Variants in CYP39A1 observed in about 807,000 individuals in gnomAD.
CYP39A1 encodes cytochrome P450 family 39 subfamily A member 1.
CYP39A1 carries 49 observed loss-of-function variants against 58.1 expected under a neutral mutation model. The ratio of observed to expected loss-of-function variants is 0.84; its 90% confidence interval spans 0.67 to 1.07. The LOEUF (loss-of-function observed/expected upper bound fraction) is 1.07. CYP39A1 is among the 50% of genes least tolerant of loss of function. The pLI, the probability that CYP39A1 is intolerant of heterozygous loss-of-function variation, is 0.00. For missense variants in CYP39A1, 531 were observed against 539.4 expected (o/e 0.98, Z 0.16); for synonymous variants, 209 against 187.6 (o/e 1.11, Z -0.93).
At chr6:46,613,029 A>G (rs1342862238) in intron 7 of CYP39A1, among the ~76,000 whole-genome samples, 6 of 152,264 alleles carry the variant, frequency 3.9e-5, no homozygotes, top group Admixed American at 3.9e-4. Context: ...AACAATGACA[A>G]TATATAAGAT....
In CYP39A1 at chr6:46,587,077, C is replaced by T. The variant is rs1325190868; in HGVS notation, c.1250G>A (p.Arg417Lys). The T allele has an allele frequency of 6.2e-7, 1 of 1,609,178 alleles. No homozygotes were observed. The highest frequency in any genetic ancestry group is 1.3e-5 in the African/African-American group (1 of 74,934). ...FGSGKFQCPA[R>K]WFALLEVQMC... ...AATGTGGCCCAGCTGTCTCACTGACCTTGCAGGACACTGGAACTTCCCGCT... is the reference window on the plus strand; with the variant it reads ...AATGTGGCCCAGCTGTCTCACTGACTTTGCAGGACACTGGAACTTCCCGCT... Residue 417 changes from arginine (R) to lysine (K), a missense_variant and splice_region_variant, in exon 10 of 12, where the codon AGG becomes AAG. Coordinates refer to ENST00000275016, the MANE Select transcript of CYP39A1 (RefSeq NM_016593.5).
intron 8 of CYP39A1, among the ~76,000 whole-genome samples, chr6:46,591,320 T>C (rs911997689): frequency 6.6e-6 from 1 of 152,094 alleles, no homozygotes; most frequent in Non-Finnish European, 1.5e-5. Context: ...TCTTTAAATA[T>C]TAAAATTATT....
intron 1 of CYP39A1, among the ~76,000 whole-genome samples, chr6:46,646,743 T>C (rs528659712): frequency 1.1e-3 from 160 of 152,258 alleles, no homozygotes; most frequent in Non-Finnish European, 1.7e-3. Flanking sequence ...CTTAATAGTG[T>C]AGGGCTATTA....
intron 10 of CYP39A1, among the ~76,000 whole-genome samples, chr6:46,575,559 C>T (rs1771804663): frequency 6.6e-6 from 1 of 152,200 alleles, no homozygotes; most frequent in Non-Finnish European, 1.5e-5. Flanking sequence ...CACCTGCAGC[C>T]TTCCCACATT....
Position 46,631,027 on chromosome 6 carries a change from C to G in CYP39A1, c.776G>C (p.Ser259Thr), listed in dbSNP as rs748711391. ...ATLDIVETETSKENSPNYGLL... is the reference protein window; with the variant it reads ...ATLDIVETETTKENSPNYGLL... ...CCCATAATTGGGTGAGTTTTCCTTA[C>G]TTGTTTCCGTCTCTACAATATCCAG... The change falls in exon 6 of 12, where the codon AGT becomes ACT. Residue 259 changes from serine (S) to threonine (T), a missense_variant. Transcript: ENST00000275016. The G allele has an allele frequency of 1.2e-6, 2 of 1,614,036 alleles. No individual in the cohort carries two copies. The highest frequency in any genetic ancestry group is 1.7e-6 in the Non-Finnish European group (2 of 1,180,000).
At chr6:46,577,733 T>C (rs912069294) in intron 10 of CYP39A1, among the ~76,000 whole-genome samples, 1 of 151,954 alleles carries the variant, frequency 6.6e-6, no homozygotes, top group Non-Finnish European at 1.5e-5. Flanking sequence ...GAGTTAACTT[T>C]CCTAAATATG....
At chr6:46,633,250 T>C (rs1185111394) in intron 5 of CYP39A1, among the ~76,000 whole-genome samples, 3 of 152,228 alleles carry the variant, frequency 2.0e-5, no homozygotes, top group African/African-American at 4.8e-5. Flanking sequence ...ATTATACTTA[T>C]AATGTAAGTT....
chr6:46,564,034 G>T (rs1215524263), intron 10 of CYP39A1, among the ~76,000 whole-genome samples: 1 of 152,036 alleles, frequency 6.6e-6, no homozygotes, highest in African/African-American at 2.4e-5. Context: ...TCAGGGAGAA[G>T]GGTTAGGCAA....
Position 46,637,196 on chromosome 6 carries a change from GC to G in CYP39A1, c.638+632del, listed in dbSNP as rs1582453861. 2.0e-5 allele frequency among the ~76,000 whole-genome samples: 3 copies of G among 152,168 alleles called. No individual in the cohort carries two copies. In the South Asian group the frequency reaches 6.2e-4, roughly 32 times the overall value. On this transcript the variant is annotated intron_variant, in intron 4 of 11. Coordinates refer to ENST00000275016, the MANE Select transcript of CYP39A1 (RefSeq NM_016593.5). The stretch of plus-strand genomic sequence containing the variant: ...TCATTTCAGACCCCCAGCCTCCAGG[GC>G]AATGAGAAATAGCCCTCACCAGAAC...
Position 46,580,762 on chromosome 6 carries a change from C to G in CYP39A1, c.1250+6315G>C, listed in dbSNP as rs1772090238. ...TATATAAAAAACTGTTCAACATTAC[C>G]AATCGTTAGAGAAATGCAAATGAAA... is the stretch of plus-strand genomic sequence containing the variant. On this transcript the variant is annotated intron_variant, in intron 10 of 11. Coordinates refer to ENST00000275016, the MANE Select transcript of CYP39A1 (RefSeq NM_016593.5). 3.3e-5 allele frequency among the ~76,000 whole-genome samples: 5 copies of G among 152,138 alleles called. No individual in the cohort carries two copies. The East Asian group carries it at 9.6e-4, about 29-fold the overall frequency.
chr6:46,567,826 G>A (rs1349557507), intron 10 of CYP39A1, among the ~76,000 whole-genome samples: 1 of 152,110 alleles, frequency 6.6e-6, no homozygotes, highest in Non-Finnish European at 1.5e-5. Flanking sequence ...TGGGGCAAGG[G>A]AAGGTTAAAC....
intron 10 of CYP39A1, among the ~76,000 whole-genome samples, chr6:46,557,521 T>G (rs921300366): frequency 1.3e-5 from 2 of 151,634 alleles, no homozygotes; most frequent in Non-Finnish European, 2.9e-5. Flanking sequence ...TGTGTGCCTG[T>G]AATCCCAGCT....
chr6:46,638,077 G>T, intron 3 of CYP39A1, 99 bp from the exon 4 acceptor site: 1 of 1,181,780 alleles, frequency 8.5e-7, no homozygotes, highest in Non-Finnish European at 1.2e-6. Flanking sequence ...TATATGGGGA[G>T]CAGATAATAG....
intron 10 of CYP39A1, among the ~76,000 whole-genome samples, chr6:46,581,419 A>AG (rs1056697374): frequency 2.6e-5 from 4 of 151,884 alleles, no homozygotes; most frequent in East Asian, 1.9e-4. Context: ...AAAAAAAAAA[A>AG]AGAGAGAGAC....
intron 10 of CYP39A1, among the ~76,000 whole-genome samples, chr6:46,565,076 G>C (rs1247869345): frequency 2.0e-5 from 3 of 148,868 alleles, no homozygotes; most frequent in Non-Finnish European, 4.5e-5. Context: ...CAGATTGCTG[G>C]GCCCCACCCC....
intron 10 of CYP39A1, among the ~76,000 whole-genome samples, chr6:46,581,189 C>T (rs1385468449): frequency 6.6e-6 from 1 of 152,148 alleles, no homozygotes; most frequent in Non-Finnish European, 1.5e-5. Context: ...GGGAGAATTG[C>T]TTGAGCTCAG....
chr6:46,557,135 A>ATCTGT (rs1416321075), intron 10 of CYP39A1, among the ~76,000 whole-genome samples: 1 of 152,108 alleles, frequency 6.6e-6, no homozygotes, highest in Non-Finnish European at 1.5e-5. Flanking sequence ...AACATAACAA[A>ATCTGT]GAAAAATATC....
At chr6:46,581,706 T>G (rs911395499) in intron 10 of CYP39A1, among the ~76,000 whole-genome samples, 14 of 152,054 alleles carry the variant, frequency 9.2e-5, no homozygotes, top group African/African-American at 3.1e-4. Flanking sequence ...GACAAATCAT[T>G]TGTATATCAA....
At chr6:46,584,328 ACT>A (rs894427081) in intron 10 of CYP39A1, among the ~76,000 whole-genome samples, 3 of 152,028 alleles carry the variant, frequency 2.0e-5, no homozygotes, top group African/African-American at 7.2e-5. Context: ...ATTTTGACAC[ACT>A]CTACTTTCAA....
Sources: allele counts gnomAD v4.1 joint callset (sites outside exome capture counted in the v4.1 genomes callset), GRCh38; gene constraint gnomAD v4.1.1; transcripts MANE v1.5; gene names NCBI Gene and HGNC (gene_info 2026-07-23, HGNC 2026-07-21).